The following RAD51B variants were observed in gnomAD, a reference collection of about 807,000 sequenced individuals.
The protein encoded by RAD51B is RAD51 paralog B.
RAD51B carries 38 observed loss-of-function variants against 42.2 expected under a neutral mutation model. That is an observed-to-expected ratio of 0.90 (90% CI 0.70 to 1.18). The LOEUF (loss-of-function observed/expected upper bound fraction) is 1.18. RAD51B is among the 50% of genes most tolerant of loss of function. The pLI, the probability that RAD51B is intolerant of heterozygous loss-of-function variation, is 0.00. For missense variants in RAD51B, 373 were observed against 400.7 expected, an observed-to-expected ratio of 0.93 and a Z score of 0.59; for synonymous variants, 154 against 145.2, an observed-to-expected ratio of 1.06 and a Z score of -0.43.
chr14:68,482,768 C>T (rs1001589477), downstream of RAD51B, among the ~76,000 whole-genome samples: 3 of 152,304 alleles, frequency 2.0e-5, no homozygotes, highest in East Asian at 1.9e-4. Flanking sequence ...TTCTGAATTT[C>T]GGTGAGGGCA....
intron 7 of RAD51B, among the ~76,000 whole-genome samples, chr14:68,052,730 C>T (rs573548704): frequency 7.2e-5 from 11 of 152,000 alleles, no homozygotes; most frequent in Middle Eastern, 3.4e-3. Context: ...CAGCGATCCT[C>T]CCACCTCAGC....
intron 7 of RAD51B, among the ~76,000 whole-genome samples, chr14:68,281,058 A>G (rs2081311043): frequency 1.3e-5 from 2 of 151,776 alleles, no homozygotes; most frequent in African/African-American, 4.8e-5. Context: ...GCCTGTCTCA[A>G]AAAAAAATGA....
intron 7 of RAD51B, among the ~76,000 whole-genome samples, chr14:68,198,626 T>C (rs1490156054): frequency 1.3e-5 from 2 of 152,224 alleles, no homozygotes; most frequent in Non-Finnish European, 2.9e-5. Flanking sequence ...AAATATCTTA[T>C]GGTTCTCAGT....
At chr14:68,326,988 G>A (rs1031796910) in intron 8 of RAD51B, among the ~76,000 whole-genome samples, 2 of 152,066 alleles carry the variant, frequency 1.3e-5, no homozygotes, top group Non-Finnish European at 2.9e-5. Context: ...ATCTCCTACC[G>A]GTGCACCCCA....
At chr14:68,040,160 A>G (rs2076196374) in intron 7 of RAD51B, among the ~76,000 whole-genome samples, 1 of 152,244 alleles carries the variant, frequency 6.6e-6, no homozygotes, top group South Asian at 2.1e-4. Context: ...TGATTAAAGT[A>G]TAGCTTCTAA....
At chr14:68,654,443 A>AC (rs1892767773) in intron 11 of RAD51B, among the ~76,000 whole-genome samples, 1 of 151,830 alleles carries the variant, frequency 6.6e-6, no homozygotes, top group African/African-American at 2.4e-5. Context: ...AGAACCCCCC[A>AC]CCCCCTTTAG....
intron 7 of RAD51B, among the ~76,000 whole-genome samples, chr14:68,139,427 C>G (rs2078079235): frequency 6.6e-6 from 1 of 152,150 alleles, no homozygotes; most frequent in African/African-American, 2.4e-5. Flanking sequence ...TAAAATTGTT[C>G]TTGTTTTCCT....
At chr14:68,025,889 T>C (rs2075948264) in intron 7 of RAD51B, among the ~76,000 whole-genome samples, 1 of 152,098 alleles carries the variant, frequency 6.6e-6, no homozygotes, top group Non-Finnish European at 1.5e-5. Flanking sequence ...TTTTAGTTAT[T>C]TCTTTTTTTC....
chr14:68,541,076 A>G (rs1240375745), intron 10 of RAD51B: 2 of 985,318 alleles, frequency 2.0e-6, no homozygotes, highest in South Asian at 4.7e-5. Flanking sequence ...GCCCTCATTC[A>G]TGGAGCACAG....
chr14:68,510,786 G>C (rs1212720592), intron 10 of RAD51B, among the ~76,000 whole-genome samples: 1 of 152,110 alleles, frequency 6.6e-6, no homozygotes, highest in Non-Finnish European at 1.5e-5. Context: ...TGGTTCCTGG[G>C]ATCATAAAAA....
At chr14:68,571,821 GTTT>G (rs869140915) in intron 10 of RAD51B, among the ~76,000 whole-genome samples, 3 of 107,664 alleles carry the variant, frequency 2.8e-5, no homozygotes, top group Non-Finnish European at 6.1e-5. Flanking sequence ...TTGTTTGTTT[GTTT>G]TTTGAGAATC....
At chr14:67,915,795 T>C (rs989544892) in intron 7 of RAD51B, among the ~76,000 whole-genome samples, 1 of 152,264 alleles carries the variant, frequency 6.6e-6, no homozygotes, top group Admixed American at 6.5e-5. Flanking sequence ...CCTTACTTTC[T>C]AAGCCTGCCA....
At chr14:68,139,713 G>C (rs1472933736) in intron 7 of RAD51B, among the ~76,000 whole-genome samples, 1 of 152,192 alleles carries the variant, frequency 6.6e-6, no homozygotes, top group Non-Finnish European at 1.5e-5. Context: ...CATGACTCCT[G>C]ATGAGTTAAT....
intron 10 of RAD51B, among the ~76,000 whole-genome samples, chr14:68,484,359 C>CTTTTTTTTTTTTTTTT (rs10665607): frequency 2.3e-5 from 3 of 130,178 alleles, no homozygotes; most frequent in African/African-American, 6.0e-5. Context: ...CTTTCTTTTT[C>CTTTTTTTTTTTTTTTT]TTTTTTTTTT....
intron 1 of RAD51B, among the ~76,000 whole-genome samples, chr14:67,822,928 A>G (rs991344640): frequency 1.3e-5 from 2 of 152,096 alleles, no homozygotes; most frequent in African/African-American, 2.4e-5. Context: ...TCAGTTATTT[A>G]TGTTTTCTGG....
rs199800534 is a variant in RAD51B at position 68,014,695 on chromosome 14, A to AAAATAAATAAATAAATAAAT, written c.756+127500_756+127519dup. 3.5e-3 allele frequency among the ~76,000 whole-genome samples: 534 copies of AAAATAAATAAATAAATAAAT among 150,506 alleles called. 3 individuals are homozygous for AAAATAAATAAATAAATAAAT. The highest frequency in any genetic ancestry group is 0.027 in the Middle Eastern group (8 of 292). On this transcript the variant is annotated intron_variant, in intron 7 of 10. Coordinates refer to ENST00000471583, the MANE Select transcript of RAD51B (RefSeq NM_133510.4). Reference sequence around the variant, plus strand: ...ATTTGTTTAAATTTAAGGATCAGTAAAAATAAATAAATAAATAAATAAATA... The same window carrying AAAATAAATAAATAAATAAAT: ...ATTTGTTTAAATTTAAGGATCAGTAAAAATAAATAAATAAATAAATAAATAAATAAATAAATAAATAAATA...
At chr14:68,477,627 T>C in intron 10 of RAD51B, 21 bp from the exon 11 acceptor site, 7 of 236,254 alleles carry the variant, frequency 3.0e-5, no homozygotes, top group Non-Finnish European at 5.2e-5. Context: ...AAACTTTCTC[T>C]TTTTTTTTTT....
At chr14:68,111,816 G>A (rs1380481504) in intron 7 of RAD51B, among the ~76,000 whole-genome samples, 1 of 152,066 alleles carries the variant, frequency 6.6e-6, no homozygotes, top group Non-Finnish European at 1.5e-5. Context: ...AAAGCAGATG[G>A]TCACCTGCGG....
At chr14:68,563,417 T>A (rs889936388) in intron 10 of RAD51B, 15 of 985,362 alleles carry the variant, frequency 1.5e-5, no homozygotes, top group African/African-American at 1.7e-5. Flanking sequence ...AGAGCCCAGT[T>A]ATTTACCCAA....
Sources: allele counts gnomAD v4.1 joint callset (sites outside exome capture counted in the v4.1 genomes callset), GRCh38; gene constraint gnomAD v4.1.1; transcripts MANE v1.5; gene names NCBI Gene and HGNC (gene_info 2026-07-23, HGNC 2026-07-21).